The following TDG variants were observed in gnomAD, a reference collection of about 807,000 sequenced individuals.
TDG encodes the protein G/T mismatch-specific thymine DNA glycosylase.
Under a neutral mutation model 46.1 loss-of-function variants are expected in TDG, and 23 were observed. That is an observed-to-expected ratio of 0.50 (90% CI 0.36 to 0.71). TDG has a LOEUF of 0.71. Among genes scored for constraint, TDG ranks in the 30% least tolerant of loss-of-function variants. TDG has a pLI of 0.00. For synonymous variants in TDG, 115 were observed against 161.3 expected (o/e 0.71, Z 2.18); for missense variants, 304 against 486.7 (o/e 0.62, Z 3.53).
intron 8 of TDG, among the ~76,000 whole-genome samples, chr12:103,985,149 G>C (rs200030644): frequency 8.5e-6 from 1 of 117,386 alleles, no homozygotes; most frequent in African/African-American, 3.0e-5. Flanking sequence ...ATATGTGTGT[G>C]TCTATATATA....
chr12:103,970,456 T>TGGCA (rs1414394042), intron 1 of TDG, among the ~76,000 whole-genome samples: 1 of 152,178 alleles, frequency 6.6e-6, no homozygotes, highest in Non-Finnish European at 1.5e-5. Flanking sequence ...CCAGCCTGGG[T>TGGCA]GGCAGCCAGA....
chr12:103,985,884 C>T (rs1183499388), intron 9 of TDG, among the ~76,000 whole-genome samples, 156 bp downstream of exon 9: 2 of 152,098 alleles, frequency 1.3e-5, no homozygotes, highest in Non-Finnish European at 1.5e-5. Context: ...GGTTATTTCA[C>T]GTTGAATTAC....
chr12:103,982,453 A>G (rs1310537897), intron 4 of TDG, among the ~76,000 whole-genome samples: 1 of 152,146 alleles, frequency 6.6e-6, no homozygotes, highest in Non-Finnish European at 1.5e-5. Flanking sequence ...GGAGATAATA[A>G]TAGTATCTTG....
chr12:103,977,270 G>C (rs1443187455), intron 2 of TDG, among the ~76,000 whole-genome samples: 1 of 152,204 alleles, frequency 6.6e-6, no homozygotes, highest in African/African-American at 2.4e-5. Context: ...GTAGAGAAAA[G>C]TAATAAGTAA....
In TDG at chr12:103,980,873, C is replaced by T; in HGVS notation, c.409-20C>T. ...GGTCCTGCTTTTTAAGATGAAATGT[C>T]TAATTGTTTTGTTTTATAGATTGGC... On this transcript the variant is annotated intron_variant, in intron 3 of 9. Coordinates refer to ENST00000392872, the MANE Select transcript of TDG (RefSeq NM_003211.6). The T allele has an allele frequency of 6.2e-7, 1 of 1,610,978 alleles. No individual in the cohort carries two copies. Among genetic ancestry groups the T allele is most frequent in the Non-Finnish European group, 8.5e-7 (1 of 1,178,868 alleles).
chr12:103,982,623 G>T (rs1871899362), intron 4 of TDG, among the ~76,000 whole-genome samples, 176 bp from the exon 5 acceptor site: 1 of 151,966 alleles, frequency 6.6e-6, no homozygotes, highest in African/African-American at 2.4e-5. Context: ...AAATTAGCTG[G>T]GCGTGGTGGT....
At chr12:103,972,702 A>T (rs2629771) in intron 1 of TDG, among the ~76,000 whole-genome samples, 1 of 152,144 alleles carries the variant, frequency 6.6e-6, no homozygotes. Flanking sequence ...GGGATATTTC[A>T]TTATTATAGA....
chr12:103,966,167 C>T (rs1871005990), intron 1 of TDG, 107 bp downstream of exon 1: 1 of 1,347,102 alleles, frequency 7.4e-7, no homozygotes, highest in Non-Finnish European at 9.7e-7. Flanking sequence ...GGCCGGAATA[C>T]AAAGGCCGGG....
chr12:103,986,068 C>T (rs1268431181), intron 9 of TDG, among the ~76,000 whole-genome samples: 14 of 152,124 alleles, frequency 9.2e-5, no homozygotes, highest in African/African-American at 3.4e-4. Flanking sequence ...TACAGGCATC[C>T]GCCACGATGC....
chr12:103,981,475 T>G (rs1871832683), intron 4 of TDG, among the ~76,000 whole-genome samples: 4 of 152,054 alleles, frequency 2.6e-5, no homozygotes, highest in Non-Finnish European at 2.9e-5. Context: ...CCTCAGGTGA[T>G]CTGCCCACCT....
intron 2 of TDG, 152 bp from the exon 3 acceptor site, chr12:103,979,679 A>C: frequency 1.1e-6 from 1 of 884,292 alleles, no homozygotes; most frequent in Non-Finnish European, 1.6e-6. Flanking sequence ...AAGAAAGGGA[A>C]GATATTGCAG....
chr12:103,988,175 C>A lies in TDG; in HGVS notation c.*1085C>A, dbSNP rs1872280604. The A allele has an allele frequency of 6.6e-6, 1 of 152,450 alleles. No individual in the cohort carries two copies. Among genetic ancestry groups the A allele is most frequent in the African/African-American group, 2.4e-5 (1 of 41,478 alleles). 9.4% of individuals were successfully genotyped at this position (152,450 alleles called of 1,614,324 possible). On this transcript the variant is annotated 3_prime_UTR_variant, in exon 10 of 10. Coordinates refer to ENST00000392872, the MANE Select transcript of TDG (RefSeq NM_003211.6). ...TCCATGGTGCTACAAATAATCCAGA[C>A]TACCAGGTCTGGTAGATATTAAAGC...
chr12:103,981,672 G>A (rs1871842908), intron 4 of TDG, among the ~76,000 whole-genome samples: 4 of 152,148 alleles, frequency 2.6e-5, no homozygotes, highest in African/African-American at 9.7e-5. Flanking sequence ...TTCTAGCAGA[G>A]CATAAAATAG....
At chr12:103,983,576 TAGAA>T (rs1389218873) in intron 7 of TDG, among the ~76,000 whole-genome samples, 187 bp downstream of exon 7, 1 of 152,244 alleles carries the variant, frequency 6.6e-6, no homozygotes, top group African/African-American at 2.4e-5. Context: ...TAGGGTTTAT[TAGAA>T]AGAAAAACAT....
intron 7 of TDG, among the ~76,000 whole-genome samples, chr12:103,983,783 A>G (rs1162092366): frequency 1.3e-5 from 2 of 152,240 alleles, no homozygotes; most frequent in Non-Finnish European, 1.5e-5. Flanking sequence ...CCATTTATAT[A>G]TCTTAGCTCA....
chr12:103,986,428 G>A (rs1161127835), intron 9 of TDG: 2 of 152,322 alleles, frequency 1.3e-5, no homozygotes, highest in Non-Finnish European at 2.9e-5. Context: ...CGGGCATGGT[G>A]GTTCACGCCT....
intron 9 of TDG, chr12:103,986,107 G>A (rs191023426): frequency 1.2e-4 from 19 of 153,028 alleles, no homozygotes; most frequent in Non-Finnish European, 2.6e-4. Context: ...ATTTTTAATA[G>A]AGACAGGGTT....
chr12:103,982,653 C>T (rs1431329078), intron 4 of TDG, 146 bp from the exon 5 acceptor site: 4 of 664,186 alleles, frequency 6.0e-6, no homozygotes, highest in Non-Finnish European at 9.9e-6. Context: ...GGGTTCCAGC[C>T]ACTCAGGAGG....
chr12:103,970,644 G>A (rs1186241940), intron 1 of TDG, among the ~76,000 whole-genome samples: 1 of 152,060 alleles, frequency 6.6e-6, no homozygotes, highest in East Asian at 1.9e-4. Flanking sequence ...CTACTCAGGA[G>A]GCTGAGGCAG....
Sources: gnomAD v4.1 joint callset for allele counts (sites outside exome capture counted in the v4.1 genomes callset) on GRCh38, gnomAD v4.1.1 for gene constraint, MANE v1.5 for transcripts, NCBI Gene and HGNC (gene_info 2026-07-23, HGNC 2026-07-21) for gene names.